METAP1D: variants seen among roughly 807,000 people sequenced by gnomAD.
The protein encoded by METAP1D is methionyl aminopeptidase type 1D, mitochondrial, also known as methionine aminopeptidase 1D, mitochondrial.
METAP1D carries 31 observed loss-of-function variants against 40.5 expected under a neutral mutation model. The ratio of observed to expected loss-of-function variants is 0.77; its 90% CI spans 0.58 to 1.03. The LOEUF (loss-of-function observed/expected upper bound fraction) is 1.03, where lower values mean the gene tolerates loss of function less well. METAP1D is among the 50% of genes least tolerant of loss of function. METAP1D has a pLI of 0.00. For missense variants in METAP1D, 411 were observed against 420.7 expected, an observed-to-expected ratio of 0.98 and a Z score of 0.20; for synonymous variants, 151 against 146.4, an observed-to-expected ratio of 1.03 and a Z score of -0.22.
chr2:172,075,268 G>T (rs1690514707), intron 6 of METAP1D, among the ~76,000 whole-genome samples: 1 of 152,130 alleles, frequency 6.6e-6, no homozygotes, highest in Admixed American at 6.5e-5. Flanking sequence ...TGTCTTAAAG[G>T]ATTTTTAGTT....
intron 1 of METAP1D, among the ~76,000 whole-genome samples, chr2:172,040,996 G>A (rs1183530228): frequency 6.6e-6 from 1 of 151,616 alleles, no homozygotes; most frequent in Non-Finnish European, 1.5e-5. Context: ...TCAATCTCTT[G>A]ACCTTGTGAT....
chr2:172,077,827 C>A lies in METAP1D; in HGVS notation c.735C>A (p.Val245=). 1 of 1,610,296 alleles carries A rather than the reference C, an allele frequency of 6.2e-7. No individual in the cohort carries two copies. The highest frequency in any genetic ancestry group is 1.1e-5 in the South Asian group (1 of 90,632). The change falls in exon 7 of 10, where the codon GTC becomes GTA. Residue 245 remains valine, a synonymous_variant. Coordinates refer to ENST00000315796, the MANE Select transcript of METAP1D (RefSeq NM_199227.3). ...TAACTCATCAGAATGGTTTTCAAGTCTGTCCACATTTTGTGGGACATGGAA... is the reference window on the plus strand; with the variant it reads ...TAACTCATCAGAATGGTTTTCAAGTATGTCCACATTTTGTGGGACATGGAA... ...SHITHQNGFQ[V]CPHFVGHGIG... is the part of the protein sequence containing the mutation.
intron 1 of METAP1D, among the ~76,000 whole-genome samples, chr2:172,030,537 A>AC (rs1179979043): frequency 1.3e-5 from 2 of 152,272 alleles, no homozygotes; most frequent in East Asian, 3.9e-4. Context: ...CTGCATTCTT[A>AC]CCCCATGAAC....
intron 1 of METAP1D, among the ~76,000 whole-genome samples, chr2:172,046,030 T>C (rs1451209945): frequency 6.7e-6 from 1 of 148,734 alleles, no homozygotes; most frequent in Admixed American, 6.7e-5. Context: ...TTTCAAAGAT[T>C]GCCATGTAAT....
chr2:172,016,357 C>G (rs1688865680), intron 1 of METAP1D, among the ~76,000 whole-genome samples: 1 of 123,518 alleles, frequency 8.1e-6, no homozygotes, highest in Non-Finnish European at 1.6e-5. Context: ...GTGACTAATG[C>G]TTGTAATCCC....
rs1350752818 is a variant in METAP1D, at chr2:172,000,002, C to T, written c.33C>T (p.Val11=). 1.5e-6 allele frequency: 2 copies of T among 1,340,438 alleles called. No homozygotes were observed. The highest frequency in any genetic ancestry group is 1.9e-5 in the South Asian group (1 of 52,542). The allele number at this position is 1,340,438 out of a possible 1,614,324, so 83.0% of individuals were successfully genotyped here. Residue 11 remains valine (V), a synonymous_variant, in exon 1 of 10, where the codon GTC becomes GTT. Transcript: ENST00000315796. ...CGCCCAGTGGCGTCCACCTGCTCGT[C>T]CGCAGAGGTAAGCGCGTGGAGGAGA... MAAPSGVHLL[V]RRGSHRIFSS... is the part of the protein sequence containing the mutation.
intron 4 of METAP1D, 106 bp downstream of exon 4, chr2:172,065,858 A>G (rs1690265479): frequency 2.5e-6 from 3 of 1,197,344 alleles, no homozygotes; most frequent in Non-Finnish European, 3.4e-6. Flanking sequence ...ACCCACCGGT[A>G]AACTTCTGAA....
intron 5 of METAP1D, among the ~76,000 whole-genome samples, chr2:172,066,888 T>G (rs545422906): frequency 6.6e-6 from 1 of 152,374 alleles, no homozygotes; most frequent in South Asian, 2.1e-4. Context: ...ATTTCTGGTA[T>G]AGAGAGCCTT....
chr2:172,009,680 T>C (rs531946853), intron 1 of METAP1D, among the ~76,000 whole-genome samples: 5 of 152,254 alleles, frequency 3.3e-5, no homozygotes, highest in African/African-American at 4.8e-5. Flanking sequence ...TGGAAGACTG[T>C]AGGGTAAGAG....
At chr2:172,042,202 T>C (rs564126029) in intron 1 of METAP1D, among the ~76,000 whole-genome samples, 3 of 75,450 alleles carry the variant, frequency 4.0e-5, no homozygotes, top group Admixed American at 1.4e-4. Context: ...TGTACACATA[T>C]ACATATGTAT....
chr2:172,017,955 C>T (rs906429002), intron 1 of METAP1D, among the ~76,000 whole-genome samples: 6 of 151,668 alleles, frequency 4.0e-5, no homozygotes, highest in Non-Finnish European at 7.4e-5. Context: ...GGTGAAACCC[C>T]GTCTCTACTA....
At chr2:172,035,159 T>G (rs1165879138) in intron 1 of METAP1D, among the ~76,000 whole-genome samples, 5 of 136,764 alleles carry the variant, frequency 3.7e-5, no homozygotes, top group African/African-American at 1.1e-4. Flanking sequence ...TTTTTTTTTG[T>G]TTGTTTGTTT....
intron 1 of METAP1D, among the ~76,000 whole-genome samples, chr2:172,052,874 C>T (rs1230811559): frequency 5.3e-5 from 8 of 152,136 alleles, no homozygotes; most frequent in Admixed American, 5.2e-4. Flanking sequence ...TAGCTTTGCC[C>T]AATCAGTATC....
intron 1 of METAP1D, among the ~76,000 whole-genome samples, chr2:172,033,851 G>A (rs1689301883): frequency 6.6e-6 from 1 of 151,882 alleles, no homozygotes; most frequent in Non-Finnish European, 1.5e-5. Flanking sequence ...CCGAGGCGGG[G>A]GGGATCACGA....
chr2:172,042,450 C>T (rs1238022650), intron 1 of METAP1D, among the ~76,000 whole-genome samples: 154 of 12,896 alleles, frequency 0.012, 61 homozygotes, highest in Admixed American at 0.044. Context: ...TGTGTACATG[C>T]GTACATATAT....
intron 1 of METAP1D, among the ~76,000 whole-genome samples, chr2:172,026,566 C>A (rs1441558458): frequency 6.6e-6 from 1 of 152,168 alleles, no homozygotes; most frequent in African/African-American, 2.4e-5. Flanking sequence ...ACTTCTAGAG[C>A]TTTCACAGAT....
rs561371150 is a variant in METAP1D, at chr2:172,060,795, G to T, written c.41-703G>T. Reference sequence around the variant, plus strand: ...TCTACCACAAATAATGCTGCCATGAGGGTACATCTTCATTCATCCATCAGT... The same window carrying T: ...TCTACCACAAATAATGCTGCCATGATGGTACATCTTCATTCATCCATCAGT... On this transcript the variant is annotated intron_variant, in intron 1 of 9. Transcript: ENST00000315796. Among the ~76,000 whole-genome samples, 5 of 152,268 alleles carry T rather than the reference G, an allele frequency of 3.3e-5. No homozygotes were observed. The East Asian group carries it at 9.6e-4, about 29-fold the overall frequency.
At chr2:172,038,882 G>C (rs1019568147) in intron 1 of METAP1D, among the ~76,000 whole-genome samples, 29 of 152,300 alleles carry the variant, frequency 1.9e-4, no homozygotes, top group African/African-American at 6.7e-4. Context: ...CATCACCAAA[G>C]CCAAATATTG....
At chr2:172,057,174 G>A (rs1690022350) in intron 1 of METAP1D, among the ~76,000 whole-genome samples, 1 of 152,154 alleles carries the variant, frequency 6.6e-6, no homozygotes, top group Non-Finnish European at 1.5e-5. Flanking sequence ...CATCTATAAA[G>A]CAGTGATGTT....
Sources: gnomAD v4.1 joint callset for allele counts (sites outside exome capture counted in the v4.1 genomes callset) on GRCh38, gnomAD v4.1.1 for gene constraint, MANE v1.5 for transcripts, NCBI Gene and HGNC (gene_info 2026-07-23, HGNC 2026-07-21) for gene names.